DNM2: variants seen among roughly 807,000 people sequenced by gnomAD.
The protein encoded by DNM2 is dynamin 2, also known as dynamin-2.
A neutral mutation model predicts 99.0 loss-of-function variants in DNM2; 15 were observed. The observed-to-expected ratio is 0.15, with a 90% CI of 0.10 to 0.23. The LOEUF (loss-of-function observed/expected upper bound fraction) is 0.23. Ranked by LOEUF, DNM2 falls within the 10% of genes least tolerant of loss-of-function variation. DNM2 has a pLI of 1.00. For missense variants in DNM2, 742 were observed against 1,189.4 expected (o/e 0.62, Z 5.53); for synonymous variants, 525 against 481.2 (o/e 1.09, Z -1.19).
At chr19:10,819,885 G>A (rs997950968) in intron 15 of DNM2, 95 bp from the exon 16 acceptor site, 72 of 1,142,442 alleles carry the variant, frequency 6.3e-5, no homozygotes, top group African/African-American at 3.8e-4. Flanking sequence ...AGAAGCCCCC[G>A]GGGCTGGTGG....
chr19:10,735,826 A>G (rs902671732), intron 1 of DNM2, among the ~76,000 whole-genome samples: 2 of 152,030 alleles, frequency 1.3e-5, no homozygotes, highest in African/African-American at 4.8e-5. Flanking sequence ...TTCTGGCACT[A>G]TTGAAAAGAC....
intron 1 of DNM2, among the ~76,000 whole-genome samples, chr19:10,744,853 T>G (rs1005303628): frequency 3.9e-5 from 6 of 152,040 alleles, no homozygotes; most frequent in African/African-American, 1.4e-4. Context: ...GCAGTTAGGA[T>G]GACACCGAGG....
At chr19:10,801,772 G>A (rs1455281880) in intron 11 of DNM2, among the ~76,000 whole-genome samples, 1 of 151,616 alleles carries the variant, frequency 6.6e-6, no homozygotes, top group African/African-American at 2.4e-5. Flanking sequence ...GGGCGTGGTG[G>A]CAGGCACCTG....
At chr19:10,807,540 T>G (rs1279378682) in intron 13 of DNM2, among the ~76,000 whole-genome samples, 1 of 93,006 alleles carries the variant, frequency 1.1e-5, no homozygotes, top group African/African-American at 4.6e-5. Context: ...ACGTCCAGCC[T>G]TTTTTTTTTT....
intron 1 of DNM2, among the ~76,000 whole-genome samples, chr19:10,740,125 T>C (rs1351358154): frequency 6.6e-6 from 1 of 152,104 alleles, no homozygotes; most frequent in Non-Finnish European, 1.5e-5. Flanking sequence ...CTCCTCTTTA[T>C]TTCTGATTTT....
chr19:10,725,229 C>T lies in DNM2; in HGVS notation c.161+6826C>T, dbSNP rs753816289. 8.7e-4 allele frequency among the ~76,000 whole-genome samples: 132 copies of T among 152,280 alleles called. 2 individuals are homozygous for T. Among genetic ancestry groups the T allele is most frequent in the Non-Finnish European group, 4.9e-4 (33 of 68,008 alleles). Reference sequence around the variant, plus strand: ...TTGGGAGGCCGAGGCAGGCAGATCACAAGGTTGGGAGTTTGAGACCAGCCT... The same window carrying T: ...TTGGGAGGCCGAGGCAGGCAGATCATAAGGTTGGGAGTTTGAGACCAGCCT... On this transcript the variant is annotated intron_variant, in intron 1 of 20. Transcript: ENST00000389253.
chr19:10,789,209 G>C (rs76862222), intron 7 of DNM2, among the ~76,000 whole-genome samples: 61 of 152,078 alleles, frequency 4.0e-4, no homozygotes, highest in African/African-American at 1.3e-3. Context: ...AACAAACAAA[G>C]AAACAAACAA....
chr19:10,786,835 T>A, intron 7 of DNM2, 129 bp downstream of exon 7: 1 of 1,522,958 alleles, frequency 6.6e-7, no homozygotes, highest in East Asian at 2.5e-5. Context: ...GCTGCAAGCC[T>A]TCTGCGTGCC....
At chr19:10,824,829 C>A (rs1335978670) in intron 17 of DNM2, 1 of 608,460 alleles carries the variant, frequency 1.6e-6, no homozygotes, top group Non-Finnish European at 2.9e-6. Flanking sequence ...AACAAAAAAA[C>A]AACGTTCCAA....
intron 1 of DNM2, among the ~76,000 whole-genome samples, chr19:10,732,541 A>G (rs371967830): frequency 6.6e-6 from 1 of 151,848 alleles, no homozygotes; most frequent in Non-Finnish European, 1.5e-5. Context: ...CGGAGCTTGC[A>G]GTGAGCCGAG....
chr19:10,806,379 C>T (rs2072336749), intron 13 of DNM2, among the ~76,000 whole-genome samples: 1 of 151,558 alleles, frequency 6.6e-6, no homozygotes, highest in Admixed American at 6.6e-5. Flanking sequence ...TTAAAAATTA[C>T]CTGGGAGTGG....
chr19:10,767,434 C>G (rs2070834238), intron 2 of DNM2, among the ~76,000 whole-genome samples: 1 of 152,220 alleles, frequency 6.6e-6, no homozygotes, highest in South Asian at 2.1e-4. Context: ...ACCTCAGCCA[C>G]CCGTGTAGCT....
chr19:10,784,793 T>A (rs1299509565), intron 6 of DNM2, among the ~76,000 whole-genome samples: 2 of 151,438 alleles, frequency 1.3e-5, no homozygotes, highest in Non-Finnish European at 2.9e-5. Context: ...CCAGACACTT[T>A]GTATTTATTT....
At chr19:10,798,360 G>A (rs1341727334) in intron 10 of DNM2, 126 bp from the exon 11 acceptor site, 3 of 715,180 alleles carry the variant, frequency 4.2e-6, no homozygotes, top group South Asian at 3.0e-5. Flanking sequence ...GGAGCAAGGT[G>A]TGGGCTCGGT....
At chr19:10,788,550 G>A (rs974403946) in intron 7 of DNM2, among the ~76,000 whole-genome samples, 131 of 152,328 alleles carry the variant, frequency 8.6e-4, no homozygotes, top group African/African-American at 3.1e-3. Context: ...CTCCCTAGCC[G>A]TGGTGGGAGA....
intron 11 of DNM2, among the ~76,000 whole-genome samples, chr19:10,802,050 C>T (rs956435032): frequency 7.2e-5 from 11 of 152,164 alleles, no homozygotes; most frequent in Non-Finnish European, 4.4e-5. Flanking sequence ...GACTCCAGAC[C>T]TTGGGGACAG....
At chr19:10,744,018 C>A (rs554153117) in intron 1 of DNM2, among the ~76,000 whole-genome samples, 45 of 148,960 alleles carry the variant, frequency 3.0e-4, no homozygotes, top group Middle Eastern at 7.4e-3. Flanking sequence ...ATTAGCCAGA[C>A]GTGGTAGCAT....
intron 1 of DNM2, among the ~76,000 whole-genome samples, chr19:10,758,947 C>CT (rs552473226): frequency 9.4e-5 from 14 of 149,134 alleles, no homozygotes; most frequent in South Asian, 2.1e-4. Flanking sequence ...TTTTACAGTC[C>CT]TTTTTTTTTT....
At chr19:10,727,285 G>T (rs1448999228) in intron 1 of DNM2, among the ~76,000 whole-genome samples, 1 of 152,198 alleles carries the variant, frequency 6.6e-6, no homozygotes, top group Non-Finnish European at 1.5e-5. Context: ...TAATAACCTG[G>T]ATTGTTTCTG....
Sources: gnomAD v4.1 joint callset for allele counts (sites outside exome capture counted in the v4.1 genomes callset) on GRCh38, gnomAD v4.1.1 for gene constraint, MANE v1.5 for transcripts, NCBI Gene and HGNC (gene_info 2026-07-23, HGNC 2026-07-21) for gene names.